Variants in PPFIA4 observed in about 807,000 individuals in gnomAD.
PPFIA4 encodes PPFI scaffold protein A4.
In PPFIA4, 98 loss-of-function variants were observed where a neutral mutation model predicts 145.7. The ratio of observed to expected loss-of-function variants is 0.67; its 90% confidence interval spans 0.57 to 0.80. The LOEUF (loss-of-function observed/expected upper bound fraction) is 0.80. PPFIA4 is among the 30% of genes least tolerant of loss of function. PPFIA4 has a pLI of 0.00. For missense variants in PPFIA4, 1,457 were observed against 1,632.7 expected, an observed-to-expected ratio of 0.89 and a Z score of 1.85; for synonymous variants, 628 against 649.6, an observed-to-expected ratio of 0.97 and a Z score of 0.51.
In PPFIA4 at chr1:203,031,310, G is replaced by A. The variant is rs117505528; in HGVS notation, c.-400+4681G>A. On this transcript the variant is annotated intron_variant, in intron 1 of 29. Transcript: ENST00000295706. The stretch of plus-strand genomic sequence containing the variant: ...TGAGCTTAAGCAATCTCCCTGCCTT[G>A]GCCTTCCAAAGTGCTACTGCACCGA... Among the ~76,000 whole-genome samples, 71 of 152,300 alleles carry A rather than the reference G, an allele frequency of 4.7e-4. No homozygotes were observed. The East Asian group carries it at 0.012, about 25-fold the overall frequency.
At position 203,056,863 on chromosome 1, in the gene PPFIA4, G is replaced by A. The variant is rs1457151026; in HGVS notation, c.2320G>A (p.Gly774Ser). The change falls in exon 19 of 30, where the codon GGC becomes AGC. Residue 774 changes from glycine (G) to serine (S), a missense_variant. By Grantham distance (56) the Gly-to-Ser change is moderately conservative. Around this residue, in one of 3 missense-constraint regions of PPFIA4, gnomAD observed 848 missense variants for 1,046.7 expected, o/e 0.81. Coordinates refer to ENST00000295706, the MANE Select transcript of PPFIA4 (RefSeq NM_001304331.2). ...DSLHKGAKRK[G>S]IKSSIGRLFG... ...CCTGCACAAGGGCGCCAAGCGCAAG[G>A]GCATCAAGTCGTCCATTGGCCGCCT... The A allele has an allele frequency of 1.9e-6, 3 of 1,614,110 alleles. No individual in the cohort carries two copies. In the East Asian group the frequency reaches 6.7e-5, roughly 36 times the overall value.
At chr1:203,058,890 T>G (rs1250411804) in intron 19 of PPFIA4, among the ~76,000 whole-genome samples, 1 of 152,158 alleles carries the variant, frequency 6.6e-6, no homozygotes. Flanking sequence ...GGACAGGTTC[T>G]GTCTAGGATT....
chr1:203,063,921 T>C lies in PPFIA4; in HGVS notation c.2968T>C (p.Cys990Arg). The change falls in exon 25 of 30, where the codon TGC (cysteine) becomes CGC (arginine). Residue 990 changes from cysteine to arginine, a missense_variant. Physicochemically the swap from Cys to Arg is radical, Grantham distance 180. Around this residue, in one of 3 missense-constraint regions of PPFIA4, gnomAD observed 848 missense variants for 1,046.7 expected, o/e 0.81. Transcript: ENST00000295706. ...GCAGTACCGCAGCTACTTCATGGAG[T>C]GCCTGGTGGACGCCCGCATGCTGGA... Reference protein sequence around the residue: ...LPQYRSYFMECLVDARMLDHL... With the variant: ...LPQYRSYFMERLVDARMLDHL... 6.2e-7 allele frequency: 1 copy of C among 1,613,984 alleles called. No individual in the cohort carries two copies. Among genetic ancestry groups the C allele is most frequent in the East Asian group, 2.2e-5 (1 of 44,874 alleles).
intron 24 of PPFIA4, chr1:203,063,216 A>C (rs1661512137): frequency 6.6e-6 from 1 of 152,598 alleles, no homozygotes; most frequent in African/African-American, 2.4e-5. Context: ...GCAGGACCAC[A>C]CGGCAGGGTG....
intron 19 of PPFIA4, among the ~76,000 whole-genome samples, chr1:203,058,468 G>A (rs1219965315): frequency 6.6e-6 from 1 of 152,200 alleles, no homozygotes; most frequent in Non-Finnish European, 1.5e-5. Context: ...ATCAGGGGAA[G>A]AAGCATTTTG....
chr1:203,047,604 A>C (rs1660176245), intron 9 of PPFIA4, among the ~76,000 whole-genome samples: 2 of 151,754 alleles, frequency 1.3e-5, no homozygotes, highest in African/African-American at 4.8e-5. Context: ...AAGGGAGACT[A>C]CCCCACCTGG....
intron 2 of PPFIA4, among the ~76,000 whole-genome samples, chr1:203,041,212 T>C (rs943012959): frequency 3.3e-5 from 5 of 152,212 alleles, no homozygotes; most frequent in Non-Finnish European, 7.3e-5. Context: ...TGCTGGTGTT[T>C]AGAAGCAGCA....
chr1:203,051,436 C>A, intron 13 of PPFIA4: 1 of 685,690 alleles, frequency 1.5e-6, no homozygotes, highest in Non-Finnish European at 1.9e-6. Flanking sequence ...AGAGCCTCTG[C>A]TCGAATACCT....
At chr1:203,071,863 G>T (rs1662194882) in intron 28 of PPFIA4, 103 bp downstream of exon 28, 3 of 1,012,446 alleles carry the variant, frequency 3.0e-6, no homozygotes, top group Admixed American at 4.0e-5. Context: ...TGGAAGGCTA[G>T]TCTATGGGAG....
rs1658820929 is a variant in PPFIA4 at position 203,031,447 on chromosome 1, G to A, written c.-400+4818G>A. On this transcript the variant is annotated intron_variant, in intron 1 of 29. Transcript: ENST00000295706. ...TCACACACACACTCTGTTGCATGAC[G>A]ACACATGACACCCCCCCATTCTCTT... 3.0e-5 allele frequency among the ~76,000 whole-genome samples: 3 copies of A among 100,984 alleles called. No homozygotes were observed. The South Asian group carries it at 1.1e-3, about 36-fold the overall frequency. 66.2% of individuals were successfully genotyped at this position (100,984 alleles called of 152,430 possible). A position where few individuals can be genotyped will look rare whatever the true frequency, so the allele number is the denominator to read the frequency against.
At chr1:203,039,700 G>A (rs1659565628) in intron 2 of PPFIA4, among the ~76,000 whole-genome samples, 1 of 152,200 alleles carries the variant, frequency 6.6e-6, no homozygotes, top group South Asian at 2.1e-4. Context: ...GCTGAATCTA[G>A]CAGCCAGATG....
At position 203,065,449 on chromosome 1, in the gene PPFIA4, C is replaced by T. The variant is rs550481788; in HGVS notation, c.3050+1446C>T. ...GAGATGAGCTGTTGCCCCACCAAGC[C>T]GGGATGTGCCTGGGCTGCTAGAGGA... On this transcript the variant is annotated intron_variant, in intron 25 of 29. Coordinates refer to ENST00000295706, the MANE Select transcript of PPFIA4 (RefSeq NM_001304331.2). Among the ~76,000 whole-genome samples the T allele has an allele frequency of 3.3e-5, 5 of 152,288 alleles. No homozygotes were observed. The East Asian group carries it at 5.8e-4, about 18-fold the overall frequency.
At chr1:203,029,908 A>G (rs1262675805) in intron 1 of PPFIA4, among the ~76,000 whole-genome samples, 1 of 152,234 alleles carries the variant, frequency 6.6e-6, no homozygotes, top group Non-Finnish European at 1.5e-5. Context: ...TTTTACAAAG[A>G]GTGCATACGC....
At chr1:203,058,248 GGAA>G (rs1468291257) in intron 19 of PPFIA4, among the ~76,000 whole-genome samples, 1 of 152,144 alleles carries the variant, frequency 6.6e-6, no homozygotes, top group Non-Finnish European at 1.5e-5. Context: ...TGGGGAAAGA[GGAA>G]GGAGAAAGAG....
intron 25 of PPFIA4, 90 bp downstream of exon 25, chr1:203,064,093 C>T: frequency 7.1e-7 from 1 of 1,414,364 alleles, no homozygotes; most frequent in Non-Finnish European, 9.6e-7. Context: ...GTGCCTCCAT[C>T]TCTTTCCGTG....
At position 203,075,994 on chromosome 1, in the gene PPFIA4, G is replaced by A; in HGVS notation, c.3574+237G>A. On this transcript the variant is annotated intron_variant, in intron 29 of 29. Coordinates refer to ENST00000295706, the MANE Select transcript of PPFIA4 (RefSeq NM_001304331.2). This position sits in a 1 kb window ranked among gnomAD's most constrained non-coding sequence, Gnocchi z 4.1. ...TGGGACGGCGGGGTCGCAGAGACTGGAGACCTCCACGGTTCGGACCTACTC... is the reference window on the plus strand; with the variant it reads ...TGGGACGGCGGGGTCGCAGAGACTGAAGACCTCCACGGTTCGGACCTACTC... 1 of 541,434 alleles carries A rather than the reference G, an allele frequency of 1.8e-6. No homozygotes were observed. The highest frequency in any genetic ancestry group is 3.1e-6 in the Non-Finnish European group (1 of 319,642). The allele number at this position is 541,434 out of a possible 1,614,324, so 33.5% of individuals were successfully genotyped here.
At chr1:203,033,569 G>T (rs1256593436) in intron 1 of PPFIA4, among the ~76,000 whole-genome samples, 3 of 152,160 alleles carry the variant, frequency 2.0e-5, no homozygotes, top group Non-Finnish European at 4.4e-5. Flanking sequence ...CATTCACAGA[G>T]GTTGGGGAAT....
rs1436022071 is a variant in PPFIA4 at position 203,063,983 on chromosome 1, G to A, written c.3030G>A (p.Lys1010=). The change falls in exon 25 of 30, where the codon AAG becomes AAA. Residue 1010 remains lysine (K), a synonymous_variant. Transcript: ENST00000295706. ...AGAAGGACCTGCGGGTCCACCTGAA[G>A]ATGGTGGACAGCTTCCATCGGTGAG... ...LTKKDLRVHL[K]MVDSFHRTSL... The A allele has an allele frequency of 1.9e-6, 3 of 1,613,654 alleles. No individual in the cohort carries two copies. The highest frequency in any genetic ancestry group is 1.3e-5 in the African/African-American group (1 of 75,048).
At chr1:203,071,966 A>G (rs1455722336) in intron 28 of PPFIA4, among the ~76,000 whole-genome samples, 5 of 152,286 alleles carry the variant, frequency 3.3e-5, no homozygotes, top group South Asian at 2.1e-4. Flanking sequence ...GCTGTCGAGA[A>G]GTCTCTGTGA....
Sources: gnomAD v4.1 joint callset for allele counts (sites outside exome capture counted in the v4.1 genomes callset) on GRCh38, gnomAD v4.1.1 for gene constraint, gnomAD v4.1.1 regional missense constraint, Gnocchi (gnomAD v3.1) non-coding constraint, MANE v1.5 for transcripts, NCBI Gene and HGNC (gene_info 2026-07-23, HGNC 2026-07-21) for gene names.